Variants in LRRN2 observed in about 807,000 individuals in gnomAD.
The protein encoded by LRRN2 is leucine-rich repeat neuronal protein 2.
A neutral mutation model predicts 35.7 loss-of-function variants in LRRN2; 10 were observed. That is an observed-to-expected ratio of 0.28 (90% CI 0.17 to 0.47). The LOEUF (loss-of-function observed/expected upper bound fraction) is 0.47. Among genes scored for constraint, LRRN2 ranks in the 20% least tolerant of loss-of-function variants. LRRN2 has a pLI of 0.99. For synonymous variants in LRRN2, 391 were observed against 409.6 expected, an observed-to-expected ratio of 0.95 and a Z score of 0.55; for missense variants, 731 against 940.3, an observed-to-expected ratio of 0.78 and a Z score of 2.91.
intron 1 of LRRN2, among the ~76,000 whole-genome samples, chr1:204,644,253 T>C (rs1020153321): frequency 6.6e-6 from 1 of 152,200 alleles, no homozygotes; most frequent in African/African-American, 2.4e-5. Flanking sequence ...TTCTCCTCCA[T>C]GAAGCTCTCC....
Position 204,671,395 on chromosome 1 carries a change from TTGTGTGTTTGTGTG to T in LRRN2, c.-227+13911_-227+13924del, listed in dbSNP as rs1386709519. ...TGAGTTTGTAGAAGTAGCAATCTGT[TTGTGTGTTTGTGTG>T]TGTGTGTGTGTGTGTGTGTGTGTGT... On this transcript the variant is annotated intron_variant, in intron 1 of 1. Coordinates refer to ENST00000367177, the MANE Select transcript of LRRN2 (RefSeq NM_201630.2). Among the ~76,000 whole-genome samples the T allele has an allele frequency of 1.7e-3, 244 of 141,498 alleles. 1 individual carries two copies. Among genetic ancestry groups the T allele is most frequent in the African/African-American group, 5.3e-3 (190 of 35,856 alleles). 92.8% of individuals were successfully genotyped at this position (141,498 alleles called of 152,430 possible).
Position 204,620,004 on chromosome 1 carries a change from A to G in LRRN2, c.-12T>C. 1.3e-6 allele frequency: 2 copies of G among 1,598,940 alleles called. No homozygotes were observed. Among genetic ancestry groups the G allele is most frequent in the East Asian group, 2.3e-5 (1 of 44,412 alleles). ...ACGAGAAGCCTCATGGTGGAGCTGC[A>G]GGGCAGGGGACCATTCACAAGAAGA... On this transcript the variant is annotated 5_prime_UTR_variant, in exon 2 of 2. Transcript: ENST00000367177.
intron 1 of LRRN2, among the ~76,000 whole-genome samples, chr1:204,685,106 C>G (rs1053499891): frequency 6.6e-5 from 10 of 152,160 alleles, no homozygotes; most frequent in Admixed American, 2.0e-4. Flanking sequence ...CCGGCTCCCC[C>G]GCAGGCGTCT....
chr1:204,684,149 TA>T (rs1417874422), intron 1 of LRRN2, among the ~76,000 whole-genome samples: 2 of 152,128 alleles, frequency 1.3e-5, no homozygotes, highest in African/African-American at 4.8e-5. Context: ...CATCTTCCCC[TA>T]TGACAGTGAC....
At chr1:204,626,106 C>G (rs895734778) in intron 1 of LRRN2, among the ~76,000 whole-genome samples, 1 of 152,098 alleles carries the variant, frequency 6.6e-6, no homozygotes, top group Non-Finnish European at 1.5e-5. Context: ...CCATCCATCC[C>G]CTGGGTCACT....
rs2772232 is a variant in LRRN2, at chr1:204,660,608, G to A, written c.-227+24712C>T. 9.4e-4 allele frequency among the ~76,000 whole-genome samples: 140 copies of A among 149,208 alleles called. 1 individual carries two copies. The highest frequency in any genetic ancestry group is 3.4e-3 in the African/African-American group (136 of 40,210). On this transcript the variant is annotated intron_variant, in intron 1 of 1. Coordinates refer to ENST00000367177, the MANE Select transcript of LRRN2 (RefSeq NM_201630.2). The stretch of plus-strand genomic sequence containing the variant: ...TCTCTCTCTCTCTCTCTCTCACTTC[G>A]TCTTAGAGCCTCTTGGGCTGCTCTT...
In LRRN2 at chr1:204,620,151, T is replaced by C. The variant is rs1234700154; in HGVS notation, c.-159A>G. 8.9e-6 allele frequency: 13 copies of C among 1,455,898 alleles called. No homozygotes were observed. Among genetic ancestry groups the C allele is most frequent in the Non-Finnish European group, 1.2e-5 (13 of 1,103,230 alleles). The allele number at this position is 1,455,898 out of a possible 1,614,324, so 90.2% of individuals were successfully genotyped here. A position where few individuals can be genotyped will look rare whatever the true frequency, so the allele number is the denominator to read the frequency against. ...GCGTCACTTCTTGCCCTCCTCAATA[T>C]GCCTTCTCTTCCTTGTCCTCTGGGG... On this transcript the variant is annotated 5_prime_UTR_variant, in exon 2 of 2. Coordinates refer to ENST00000367177, the MANE Select transcript of LRRN2 (RefSeq NM_201630.2).
At chr1:204,630,212 C>T (rs984291268) in intron 1 of LRRN2, among the ~76,000 whole-genome samples, 1 of 151,904 alleles carries the variant, frequency 6.6e-6, no homozygotes, top group Non-Finnish European at 1.5e-5. Flanking sequence ...GGAAGCACCA[C>T]TGCTTTCGAG....
At chr1:204,626,482 A>G (rs556615179) in intron 1 of LRRN2, among the ~76,000 whole-genome samples, 54 of 151,606 alleles carry the variant, frequency 3.6e-4, no homozygotes, top group African/African-American at 1.3e-3. Context: ...TCCCAACTTC[A>G]ACTATTCAAC....
At chr1:204,671,920 G>A (rs1346841643) in intron 1 of LRRN2, among the ~76,000 whole-genome samples, 4 of 152,198 alleles carry the variant, frequency 2.6e-5, no homozygotes, top group African/African-American at 4.8e-5. Flanking sequence ...AGGTGAGCCC[G>A]TGAAGGGACT....
At chr1:204,640,385 T>C (rs1335773687) in intron 1 of LRRN2, among the ~76,000 whole-genome samples, 1 of 152,172 alleles carries the variant, frequency 6.6e-6, no homozygotes, top group Non-Finnish European at 1.5e-5. Flanking sequence ...ACAGAAACTT[T>C]GGGGAGACAC....
In LRRN2 at chr1:204,618,112, G is replaced by T. The variant is rs3747632; in HGVS notation, c.1881C>A (p.Asp627Glu). The stretch of plus-strand genomic sequence containing the variant: ...CCAGGATGGCAATGAGCCCAGGACG[G>T]TCCCCTAAGGCTCTGTGGCAAGAAG... ...EATSCHRALGDRPGLIAILAL... is the reference protein window; with the variant it reads ...EATSCHRALGERPGLIAILAL... Residue 627 changes from aspartate to glutamate, a missense_variant, in exon 2 of 2, where the codon GAC becomes GAA. This residue lies in a region of LRRN2 where 229 missense variants were observed against 258.4 expected (regional missense o/e 0.89). Transcript: ENST00000367177. 1 of 1,613,684 alleles carries T rather than the reference G, an allele frequency of 6.2e-7. No individual in the cohort carries two copies. Among genetic ancestry groups the T allele is most frequent in the Non-Finnish European group, 8.5e-7 (1 of 1,179,776 alleles).
At chr1:204,636,255 T>G (rs10900417) in intron 1 of LRRN2, among the ~76,000 whole-genome samples, 73,059 of 151,946 alleles carry the variant, frequency 0.48, 17,864 homozygotes, top group Admixed American at 0.54. Flanking sequence ...CTGTAATTGG[T>G]AAATACACAT....
chr1:204,636,526 A>G (rs2102597834), intron 1 of LRRN2, among the ~76,000 whole-genome samples: 1 of 152,308 alleles, frequency 6.6e-6, no homozygotes, highest in East Asian at 1.9e-4. Flanking sequence ...GCTTGAGCCC[A>G]GGAGTTTGAG....
At chr1:204,653,159 C>A (rs1049883782) in intron 1 of LRRN2, among the ~76,000 whole-genome samples, 1 of 152,190 alleles carries the variant, frequency 6.6e-6, no homozygotes, top group African/African-American at 2.4e-5. Flanking sequence ...ACAGCAAAAA[C>A]CACAATTACT....
rs760194284 is a variant in LRRN2 at position 204,678,881 on chromosome 1, G to A, written c.-227+6439C>T. Among the ~76,000 whole-genome samples the A allele has an allele frequency of 3.3e-5, 5 of 152,186 alleles. No individual in the cohort carries two copies. The Middle Eastern group carries it at 0.01, about 311-fold the overall frequency. On this transcript the variant is annotated intron_variant, in intron 1 of 1. Transcript: ENST00000367177. ...GCCTCCAATGTGCCATTTCCTTTAT[G>A]AGTCTATTTTACTGCATCCCCAGAC...
chr1:204,622,939 A>G (rs1667021699), intron 1 of LRRN2, among the ~76,000 whole-genome samples: 1 of 152,196 alleles, frequency 6.6e-6, no homozygotes, highest in Admixed American at 6.5e-5. Flanking sequence ...TGCACACAGA[A>G]AGAACTGGAC....
At chr1:204,656,119 C>T (rs1668349888) in intron 1 of LRRN2, among the ~76,000 whole-genome samples, 1 of 152,044 alleles carries the variant, frequency 6.6e-6, no homozygotes, top group South Asian at 2.1e-4. Context: ...CCCTGTTAGC[C>T]AGGATGGTCT....
At chr1:204,638,074 A>C in intron 1 of LRRN2, among the ~76,000 whole-genome samples, 3 of 151,066 alleles carry the variant, frequency 2.0e-5, no homozygotes, top group Non-Finnish European at 1.5e-5. Flanking sequence ...GCGTAGGGGG[A>C]CCCCAACAGT....
Sources: gnomAD v4.1 joint callset for allele counts (sites outside exome capture counted in the v4.1 genomes callset) on GRCh38, gnomAD v4.1.1 for gene constraint, gnomAD v4.1.1 regional missense constraint, MANE v1.5 for transcripts, NCBI Gene and HGNC (gene_info 2026-07-23, HGNC 2026-07-21) for gene names.